Variants in GADL1 observed in about 807,000 individuals in gnomAD.
The protein encoded by GADL1 is acidic amino acid decarboxylase GADL1.
In GADL1, 71 loss-of-function variants were observed where a neutral mutation model predicts 69.5. The observed-to-expected ratio is 1.02, with a 90% confidence interval of 0.84 to 1.25. The LOEUF is 1.25. Among genes scored for constraint, GADL1 ranks in the 50% most tolerant of loss-of-function variants. The probability of loss-of-function intolerance (pLI) is 0.00; values close to 1 mark genes in which losing one functional copy is unlikely to be tolerated. For missense variants in GADL1, 737 were observed against 631.8 expected (o/e 1.17, Z -1.79); for synonymous variants, 254 against 214.4 (o/e 1.18, Z -1.62).
chr3:30,825,087 G>C (rs897178675), intron 11 of GADL1, among the ~76,000 whole-genome samples: 1 of 151,828 alleles, frequency 6.6e-6, no homozygotes, highest in Non-Finnish European at 1.5e-5. Context: ...TGACCTAAAG[G>C]TATGTTTGCT....
intron 1 of GADL1, among the ~76,000 whole-genome samples, chr3:30,871,906 T>A (rs554345582): frequency 3.3e-4 from 50 of 150,632 alleles, no homozygotes; most frequent in African/African-American, 1.2e-3. Flanking sequence ...TTAATTTCAG[T>A]AATGTTTTTC....
intron 14 of GADL1, among the ~76,000 whole-genome samples, chr3:30,752,191 C>T (rs1211011851): frequency 6.6e-6 from 1 of 151,078 alleles, no homozygotes; most frequent in East Asian, 2.0e-4. Flanking sequence ...GTTAAGTTCT[C>T]TCAGGTAACT....
rs144126617 is a variant in GADL1, at chr3:30,848,486, A to C, written c.651+1510T>G. ...GAAAATGATAGATACAGGAAAGCCT[A>C]GCTGGAAATAACAGACTCTCAGTTT... is the stretch of plus-strand genomic sequence containing the variant. On this transcript the variant is annotated intron_variant, in intron 6 of 14. Coordinates refer to ENST00000282538, the MANE Select transcript of GADL1 (RefSeq NM_207359.3). 1.5e-3 allele frequency among the ~76,000 whole-genome samples: 234 copies of C among 152,336 alleles called. 2 individuals carry two copies. The highest frequency in any genetic ancestry group is 0.011 in the Admixed American group (167 of 15,306).
intron 11 of GADL1, among the ~76,000 whole-genome samples, chr3:30,819,243 C>T (rs1245999289): frequency 1.3e-5 from 2 of 151,862 alleles, no homozygotes; most frequent in African/African-American, 2.4e-5. Context: ...TCAGAGAGTC[C>T]TCTTCCCTCC....
chr3:30,801,935 AC>A (rs1385745180), intron 11 of GADL1, among the ~76,000 whole-genome samples: 3 of 152,200 alleles, frequency 2.0e-5, no homozygotes, highest in Non-Finnish European at 4.4e-5. Context: ...TTGAACCACT[AC>A]ATCCTGTCTC....
At chr3:30,885,269 T>G (rs1698688265) in intron 1 of GADL1, among the ~76,000 whole-genome samples, 1 of 152,090 alleles carries the variant, frequency 6.6e-6, no homozygotes. Flanking sequence ...ATTTTTTTCT[T>G]CTGTCTTATC....
At position 30,801,105 on chromosome 3, in the gene GADL1, A is replaced by T; in HGVS notation, c.1051-17T>A. The T allele has an allele frequency of 1.3e-6, 2 of 1,588,492 alleles. No individual in the cohort carries two copies. The highest frequency in any genetic ancestry group is 1.7e-5 in the Admixed American group (1 of 59,768). ...AAGAAGATCCTTCGAAAAAGAAAAG[A>T]TTACAAGACTGTTAAACTTTAGAAT... On this transcript the variant is annotated splice_polypyrimidine_tract_variant and intron_variant, in intron 11 of 14. Coordinates refer to ENST00000282538, the MANE Select transcript of GADL1 (RefSeq NM_207359.3).
intron 14 of GADL1, among the ~76,000 whole-genome samples, chr3:30,736,817 G>A (rs61322251): frequency 0.087 from 13,293 of 152,096 alleles, 1,577 homozygotes; most frequent in African/African-American, 0.27. Flanking sequence ...ATTTTTTGGA[G>A]GGAAGTTTTC....
chr3:30,736,617 C>T (rs1695545205), intron 14 of GADL1, among the ~76,000 whole-genome samples: 1 of 152,122 alleles, frequency 6.6e-6, no homozygotes, highest in South Asian at 2.1e-4. Flanking sequence ...TTTATTTTCT[C>T]CCCGAAGTGT....
chr3:30,771,531 G>T (rs28411350), intron 14 of GADL1, among the ~76,000 whole-genome samples: 33,675 of 152,034 alleles, frequency 0.22, 6,768 homozygotes, highest in African/African-American at 0.54. Flanking sequence ...TCTTTAAAAG[G>T]CACTTTGATA....
chr3:30,745,175 G>A (rs777910484), intron 14 of GADL1, among the ~76,000 whole-genome samples: 1 of 152,176 alleles, frequency 6.6e-6, no homozygotes, highest in Non-Finnish European at 1.5e-5. Context: ...ATCTTTCTGT[G>A]TGCTACTATT....
intron 14 of GADL1, among the ~76,000 whole-genome samples, chr3:30,770,419 C>T (rs576004525): frequency 6.6e-5 from 10 of 152,314 alleles, no homozygotes; most frequent in Admixed American, 6.5e-4. Flanking sequence ...GCAAATGTTA[C>T]ACAGAAAGCC....
At position 30,767,763 on chromosome 3, in the gene GADL1, C is replaced by G. The variant is rs149568236; in HGVS notation, c.1392+10416G>C. 5.6e-3 allele frequency among the ~76,000 whole-genome samples: 847 copies of G among 152,192 alleles called. 10 individuals are homozygous for G. Among genetic ancestry groups the G allele is most frequent in the South Asian group, 0.018 (88 of 4,824 alleles). ...AAAAATTTAAAACTTGCTGTTTTTT[C>G]ATCGTACAGAAGACTAAATACAAAG... On this transcript the variant is annotated intron_variant, in intron 14 of 14. Transcript: ENST00000282538.
intron 14 of GADL1, among the ~76,000 whole-genome samples, chr3:30,763,151 A>G (rs982323005): frequency 5.9e-5 from 9 of 152,176 alleles, no homozygotes; most frequent in African/African-American, 2.2e-4. Context: ...GTATTTATAC[A>G]TATACATACT....
Position 30,817,597 on chromosome 3 carries a change from C to T in GADL1, c.1050+16256G>A, listed in dbSNP as rs572200121. 7.2e-5 allele frequency among the ~76,000 whole-genome samples: 11 copies of T among 152,250 alleles called. No individual in the cohort carries two copies. In the South Asian group the frequency reaches 2.3e-3, roughly 32 times the overall value. On this transcript the variant is annotated intron_variant, in intron 11 of 14. Coordinates refer to ENST00000282538, the MANE Select transcript of GADL1 (RefSeq NM_207359.3). ...GCAGAAAACAATCTTTTCCTTATTA[C>T]ATATAAATTTCTGGTTCACACTAGC...
chr3:30,808,390 T>C (rs1575214964), intron 11 of GADL1, among the ~76,000 whole-genome samples: 2 of 150,866 alleles, frequency 1.3e-5, no homozygotes, highest in African/African-American at 4.9e-5. Flanking sequence ...CCTAGCTACT[T>C]GGGAGGCTGA....
intron 14 of GADL1, among the ~76,000 whole-genome samples, chr3:30,766,707 GT>G (rs1303020577): frequency 6.6e-6 from 1 of 152,264 alleles, no homozygotes; most frequent in East Asian, 1.9e-4. Flanking sequence ...GGCTTTCCAA[GT>G]AAAGACAGGA....
intron 14 of GADL1, among the ~76,000 whole-genome samples, chr3:30,733,406 A>T (rs533067958): frequency 6.6e-6 from 1 of 152,246 alleles, no homozygotes; most frequent in African/African-American, 2.4e-5. Flanking sequence ...TGGGTTCCCA[A>T]TGTGTCCCAC....
chr3:30,867,816 G>A (rs1299813415), intron 1 of GADL1, among the ~76,000 whole-genome samples: 1 of 151,962 alleles, frequency 6.6e-6, no homozygotes, highest in East Asian at 1.9e-4. Flanking sequence ...CTGAATAACA[G>A]CAATAGAAGA....
Sources: gnomAD v4.1 joint callset for allele counts (sites outside exome capture counted in the v4.1 genomes callset) on GRCh38, gnomAD v4.1.1 for gene constraint, MANE v1.5 for transcripts, NCBI Gene and HGNC (gene_info 2026-07-23, HGNC 2026-07-21) for gene names.